PCDHGA2: variants seen among roughly 807,000 people sequenced by gnomAD.
PCDHGA2 encodes protocadherin gamma subfamily A, 2.
Under a neutral mutation model 59.2 loss-of-function variants are expected in PCDHGA2, and 40 were observed. The ratio of observed to expected loss-of-function variants is 0.68; its 90% CI spans 0.52 to 0.88. The LOEUF (loss-of-function observed/expected upper bound fraction) is 0.88, where lower values mean the gene tolerates loss of function less well. PCDHGA2 is among the 40% of genes least tolerant of loss of function. The probability of loss-of-function intolerance (pLI) is 0.00; values close to 1 mark genes in which losing one functional copy is unlikely to be tolerated. For missense variants in PCDHGA2, 1,226 were observed against 1,204.0 expected (o/e 1.02, Z -0.27); for synonymous variants, 560 against 526.0 (o/e 1.06, Z -0.89).
Position 141,489,748 on chromosome 5 carries a change from T to G in PCDHGA2, c.2425-5059T>G. 6.2e-7 allele frequency: 1 copy of G among 1,614,156 alleles called. No homozygotes were observed. Among genetic ancestry groups the G allele is most frequent in the African/African-American group, 1.3e-5 (1 of 75,054 alleles). On this transcript the variant is annotated intron_variant, in intron 1 of 3. Transcript: ENST00000394576. This position sits in a 1 kb window ranked among gnomAD's most constrained non-coding sequence, Gnocchi z 4.5. ...TGTGGGCACCAATACTGTGAGCTTTTACACTCTAAGCCCCAACAGCCACTT... is the reference window on the plus strand; with the variant it reads ...TGTGGGCACCAATACTGTGAGCTTTGACACTCTAAGCCCCAACAGCCACTT...
intron 1 of PCDHGA2, chr5:141,421,459 G>T: frequency 6.2e-7 from 1 of 1,614,142 alleles, no homozygotes; most frequent in South Asian, 1.1e-5. Context: ...GCTTTTCGCT[G>T]TGAATCCGCG....
rs1173771781 is a variant in PCDHGA2 at position 141,486,312 on chromosome 5, G to A, written c.2425-8495G>A. Reference sequence around the variant, plus strand: ...ATCAGTGTGCAGGATCCAGACTCAGGGTCAAACGGAGATGTGAGCCTCCGC... The same window carrying A: ...ATCAGTGTGCAGGATCCAGACTCAGAGTCAAACGGAGATGTGAGCCTCCGC... On this transcript the variant is annotated intron_variant, in intron 1 of 3. Coordinates refer to ENST00000394576, the MANE Select transcript of PCDHGA2 (RefSeq NM_018915.4). The surrounding 1 kb of genome is among the most constrained non-coding windows in gnomAD (Gnocchi z 5.0). The A allele has an allele frequency of 1.2e-6, 2 of 1,613,864 alleles. No individual in the cohort carries two copies. Among genetic ancestry groups the A allele is most frequent in the African/African-American group, 1.3e-5 (1 of 74,842 alleles).
chr5:141,445,537 G>A (rs1266179512), intron 1 of PCDHGA2, among the ~76,000 whole-genome samples: 1 of 152,182 alleles, frequency 6.6e-6, no homozygotes, highest in African/African-American at 2.4e-5. Flanking sequence ...AAGCCAACAA[G>A]GAGAAATACA....
intron 1 of PCDHGA2, chr5:141,405,458 T>C (rs2094670240): frequency 2.4e-6 from 3 of 1,231,152 alleles, no homozygotes; most frequent in Non-Finnish European, 2.3e-6. Flanking sequence ...CTTACTCTGT[T>C]ACCCAGGCTG....
At chr5:141,410,600 C>T in intron 1 of PCDHGA2, 1 of 1,608,048 alleles carries the variant, frequency 6.2e-7, no homozygotes, top group Non-Finnish European at 8.5e-7. Flanking sequence ...TTTGACTTCA[C>T]ATCCTGAGAC....
intron 1 of PCDHGA2, chr5:141,341,780 T>C (rs1757087770): frequency 2.9e-6 from 1 of 341,170 alleles, no homozygotes; most frequent in Non-Finnish European, 5.3e-6. Flanking sequence ...AAGTCCTTTC[T>C]TCTTTTAAGT....
At chr5:141,348,698 G>A (rs945739744) in intron 1 of PCDHGA2, among the ~76,000 whole-genome samples, 1 of 152,050 alleles carries the variant, frequency 6.6e-6, no homozygotes, top group African/African-American at 2.4e-5. Context: ...TGAAGAATGG[G>A]CAAGAATCCA....
At chr5:141,362,202 G>C in intron 1 of PCDHGA2, 2 of 1,614,078 alleles carry the variant, frequency 1.2e-6, no homozygotes, top group African/African-American at 2.7e-5. Context: ...CAAAACTGCA[G>C]TTTTACCTGG....
chr5:141,409,129 T>G (rs781711972), intron 1 of PCDHGA2: 5 of 1,613,856 alleles, frequency 3.1e-6, no homozygotes, highest in Non-Finnish European at 4.2e-6. Flanking sequence ...CATTTGATTT[T>G]GAAGATGTAG....
intron 1 of PCDHGA2, chr5:141,360,309 C>A: frequency 6.2e-7 from 1 of 1,613,980 alleles, no homozygotes; most frequent in Non-Finnish European, 8.5e-7. Flanking sequence ...GGCTCAGCGT[C>A]CGGGACTTGC....
At chr5:141,428,196 C>A in intron 1 of PCDHGA2, 2 of 1,383,704 alleles carry the variant, frequency 1.4e-6, no homozygotes, top group Non-Finnish European at 2.0e-6. Context: ...CCGCTCTCTG[C>A]GCCGCTACGC....
Position 141,339,428 on chromosome 5 carries a change from C to G in PCDHGA2, c.457C>G (p.Pro153Ala). 1.2e-6 allele frequency: 2 copies of G among 1,614,216 alleles called. No individual in the cohort carries two copies. Among genetic ancestry groups the G allele is most frequent in the Non-Finnish European group, 1.7e-6 (2 of 1,180,042 alleles). ...AACCACTACGCCAGGATTCCGGATT[C>G]CTCTTAAGAATGCGCATGATGCAGA... ...SETTTPGFRI[P>A]LKNAHDADVG... Residue 153 changes from proline (P) to alanine (A), a missense_variant, in exon 1 of 4, where the codon CCT becomes GCT. Pro to Ala is a conservative substitution (Grantham distance 27). Transcript: ENST00000394576.
At chr5:141,389,671 C>T in intron 1 of PCDHGA2, 1 of 1,612,458 alleles carries the variant, frequency 6.2e-7, no homozygotes, top group Non-Finnish European at 8.5e-7. Flanking sequence ...GACGCAGACT[C>T]AGGACACAAC....
At chr5:141,495,710 G>C (rs2099763133) in intron 2 of PCDHGA2, among the ~76,000 whole-genome samples, 1 of 152,148 alleles carries the variant, frequency 6.6e-6, no homozygotes, top group Non-Finnish European at 1.5e-5. Flanking sequence ...TGTGGAGTGA[G>C]TAACTACACG....
intron 1 of PCDHGA2, chr5:141,471,252 T>A (rs1003162914): frequency 6.6e-6 from 1 of 151,872 alleles, no homozygotes; most frequent in Admixed American, 6.6e-5. Flanking sequence ...GGTTTCACCA[T>A]GTTGGCAAGG....
At position 141,383,772 on chromosome 5, in the gene PCDHGA2, G is replaced by A. The variant is rs187406135; in HGVS notation, c.2424+42377G>A. The A allele has an allele frequency of 1.7e-5, 27 of 1,613,982 alleles. No homozygotes were observed. Among genetic ancestry groups the A allele is most frequent in the Admixed American group, 8.3e-5 (5 of 60,026 alleles). ...AAATAACTCCTAAACTTCCAAAGAT[G>A]TTTCATCTGAACTCGCTTACAGGAG... is the stretch of plus-strand genomic sequence containing the variant. On this transcript the variant is annotated intron_variant, in intron 1 of 3. Transcript: ENST00000394576.
chr5:141,389,124 C>T (rs2091613941), intron 1 of PCDHGA2: 2 of 1,613,878 alleles, frequency 1.2e-6, no homozygotes, highest in South Asian at 2.2e-5. Context: ...CGAGCAGAAT[C>T]CAGAGTACAA....
chr5:141,408,924 T>G, intron 1 of PCDHGA2: 1 of 1,612,706 alleles, frequency 6.2e-7, no homozygotes. Flanking sequence ...AACCCCCCGG[T>G]TTTCAGCAGA....
At chr5:141,417,887 C>T in intron 1 of PCDHGA2, 2 of 1,564,888 alleles carry the variant, frequency 1.3e-6, no homozygotes, top group Non-Finnish European at 1.7e-6. Flanking sequence ...GCAGAGGCGC[C>T]GGGCCGGCCC....
Sources: allele counts gnomAD v4.1 joint callset (sites outside exome capture counted in the v4.1 genomes callset), GRCh38; gene constraint gnomAD v4.1.1; non-coding constraint Gnocchi (gnomAD v3.1); transcripts MANE v1.5; gene names NCBI Gene and HGNC (gene_info 2026-07-23, HGNC 2026-07-21).